The following XRCC4 variants were observed in gnomAD, a reference collection of about 807,000 sequenced individuals.
XRCC4 encodes X-ray repair cross complementing 4.
XRCC4 carries 28 observed loss-of-function variants against 39.1 expected under a neutral mutation model. That is an observed-to-expected ratio of 0.72 (90% CI 0.53 to 0.98). The LOEUF (loss-of-function observed/expected upper bound fraction) is 0.98, where lower values mean the gene tolerates loss of function less well. Ranked by LOEUF, XRCC4 falls within the 50% of genes least tolerant of loss-of-function variation. The pLI, the probability that XRCC4 is intolerant of heterozygous loss-of-function variation, is 0.00. For synonymous variants in XRCC4, 123 were observed against 126.4 expected, an observed-to-expected ratio of 0.97 and a Z score of 0.18; for missense variants, 350 against 376.4, an observed-to-expected ratio of 0.93 and a Z score of 0.58.
chr5:83,187,004 C>A (rs1382825027), intron 3 of XRCC4, among the ~76,000 whole-genome samples: 1 of 103,212 alleles, frequency 9.7e-6, no homozygotes, highest in African/African-American at 4.3e-5. Context: ...AGTGCAGTGG[C>A]GCGACCTCGG....
intron 7 of XRCC4, among the ~76,000 whole-genome samples, chr5:83,275,259 G>A (rs1717599289): frequency 6.6e-6 from 1 of 151,858 alleles, no homozygotes; most frequent in Non-Finnish European, 1.5e-5. Flanking sequence ...AGCTTTGCAG[G>A]TCGTGAAAAT....
intron 7 of XRCC4, among the ~76,000 whole-genome samples, chr5:83,313,714 AT>A (rs1755785898): frequency 6.6e-6 from 1 of 152,136 alleles, no homozygotes; most frequent in African/African-American, 2.4e-5. Context: ...CTCTTTAGAT[AT>A]TGACTTGCTT....
chr5:83,367,755 A>ATT, the XRCC4 span, among the ~76,000 whole-genome samples: 6 of 142,362 alleles, frequency 4.2e-5, no homozygotes, highest in Non-Finnish European at 6.2e-5. Context: ...TACCCAGCTA[A>ATT]TTTTTTTTTT....
At chr5:83,343,407 GTTC>G (rs1756821901) in intron 7 of XRCC4, among the ~76,000 whole-genome samples, 1 of 152,108 alleles carries the variant, frequency 6.6e-6, no homozygotes, top group African/African-American at 2.4e-5. Context: ...AACATCGCCT[GTTC>G]TTCTTGTCTG....
At chr5:83,239,795 C>T (rs1752833256) in intron 6 of XRCC4, among the ~76,000 whole-genome samples, 1 of 151,394 alleles carries the variant, frequency 6.6e-6, no homozygotes, top group South Asian at 2.1e-4. Flanking sequence ...GGCCACTGTA[C>T]TCCAACCTGG....
In XRCC4 at chr5:83,111,170, T is replaced by C; in HGVS notation, c.282T>C (p.Tyr94=). The part of the protein sequence containing the change: ...YTFNFSKESC[Y]FFFEKNLKDV... ...TTAATTTTTCTAAAGAGTCTTGTTA[T>C]TTCTTCTTTGAGAAAAACCTGAAAG... Residue 94 remains tyrosine, a synonymous_variant, in exon 3 of 8, where the codon TAT becomes TAC. Coordinates refer to ENST00000396027, the MANE Select transcript of XRCC4 (RefSeq NM_003401.5). 1 of 1,592,114 alleles carries C rather than the reference T, an allele frequency of 6.3e-7. No homozygotes were observed.
intron 7 of XRCC4, among the ~76,000 whole-genome samples, chr5:83,325,139 C>T (rs1756207691): frequency 6.6e-6 from 1 of 152,016 alleles, no homozygotes; most frequent in South Asian, 2.1e-4. Flanking sequence ...GTTTCTGCCT[C>T]CTAATAAAAG....
intron 7 of XRCC4, among the ~76,000 whole-genome samples, chr5:83,304,788 A>G (rs1755421334): frequency 6.6e-6 from 1 of 152,176 alleles, no homozygotes. Context: ...GTTGGATAGG[A>G]CTAATTTGCT....
At chr5:83,268,003 C>A (rs1268208113) in intron 7 of XRCC4, among the ~76,000 whole-genome samples, 1 of 152,030 alleles carries the variant, frequency 6.6e-6, no homozygotes, top group Non-Finnish European at 1.5e-5. Flanking sequence ...AGGTTTTGAA[C>A]CAAATAATGG....
intron 6 of XRCC4, among the ~76,000 whole-genome samples, chr5:83,208,330 A>G (rs1751498646): frequency 6.6e-6 from 1 of 152,036 alleles, no homozygotes; most frequent in Non-Finnish European, 1.5e-5. Flanking sequence ...TTACTGTCCC[A>G]TTTAAATGAA....
intron 7 of XRCC4, among the ~76,000 whole-genome samples, chr5:83,304,269 T>C (rs1197163235): frequency 6.6e-6 from 1 of 151,502 alleles, no homozygotes; most frequent in Non-Finnish European, 1.5e-5. Flanking sequence ...AACCTCCGCT[T>C]CCCAGGTTCA....
chr5:83,126,779 A>C (rs1467810844), intron 3 of XRCC4, among the ~76,000 whole-genome samples: 1 of 152,198 alleles, frequency 6.6e-6, no homozygotes, highest in Admixed American at 6.5e-5. Context: ...CAGCAAAGCC[A>C]TGGGGGCAGG....
chr5:83,246,810 T>A (rs144148376), intron 6 of XRCC4, among the ~76,000 whole-genome samples: 117 of 152,300 alleles, frequency 7.7e-4, no homozygotes, highest in African/African-American at 2.6e-3. Context: ...GATAAATGCA[T>A]TTTGCACAAA....
At chr5:83,167,877 T>C (rs1163118668) in intron 3 of XRCC4, among the ~76,000 whole-genome samples, 1 of 152,158 alleles carries the variant, frequency 6.6e-6, no homozygotes, top group African/African-American at 2.4e-5. Context: ...ATGACTAATA[T>C]ATTCAGCAGC....
intron 3 of XRCC4, among the ~76,000 whole-genome samples, chr5:83,137,097 A>T (rs1157905667): frequency 6.6e-6 from 1 of 152,184 alleles, no homozygotes. Context: ...TATGATTACC[A>T]TCCAAAAGTT....
At chr5:83,095,019 G>A (rs768952685) in intron 1 of XRCC4, among the ~76,000 whole-genome samples, 1 of 151,618 alleles carries the variant, frequency 6.6e-6, no homozygotes, top group Non-Finnish European at 1.5e-5. Flanking sequence ...GTTGGTGTTT[G>A]CACATTTGTG....
At position 83,077,635 on chromosome 5, in the gene XRCC4, C is replaced by A. The variant is rs1744720788; in HGVS notation, c.-11+20C>A. The A allele has an allele frequency of 2.7e-6, 1 of 370,616 alleles. No homozygotes were observed. Among genetic ancestry groups the A allele is most frequent in the South Asian group, 5.2e-5 (1 of 19,174 alleles). The allele number at this position is 370,616 out of a possible 1,614,324, so 23.0% of individuals were successfully genotyped here. The stretch of plus-strand genomic sequence containing the variant: ...GGAGAGGTAGGATCCGGAAGTGGGG[C>A]TGCCTCTTTAAATAACAAAAATCTG... On this transcript the variant is annotated intron_variant, in intron 1 of 7. Transcript: ENST00000396027.
At chr5:83,153,836 G>C (rs141197179) in intron 3 of XRCC4, among the ~76,000 whole-genome samples, 2 of 152,188 alleles carry the variant, frequency 1.3e-5, no homozygotes, top group Non-Finnish European at 2.9e-5. Context: ...AAGTCTGGAA[G>C]ATGTTTAATT....
chr5:83,313,987 T>G (rs1580500898), intron 7 of XRCC4, among the ~76,000 whole-genome samples: 1 of 152,274 alleles, frequency 6.6e-6, no homozygotes, highest in Middle Eastern at 3.4e-3. Context: ...CTAGACATCT[T>G]GTGTCCAACC....
Sources: allele counts gnomAD v4.1 joint callset (sites outside exome capture counted in the v4.1 genomes callset), GRCh38; gene constraint gnomAD v4.1.1; transcripts MANE v1.5; gene names NCBI Gene and HGNC (gene_info 2026-07-23, HGNC 2026-07-21).